KLC2: variants seen among roughly 807,000 people sequenced by gnomAD.
KLC2 encodes kinesin light chain 2, also known as KLC 2.
Under a neutral mutation model 75.1 loss-of-function variants are expected in KLC2, and 35 were observed. The observed-to-expected ratio is 0.47, with a 90% confidence interval of 0.36 to 0.62. The LOEUF (loss-of-function observed/expected upper bound fraction) is 0.62, where lower values mean the gene tolerates loss of function less well. Among genes scored for constraint, KLC2 ranks in the 20% least tolerant of loss-of-function variants. KLC2 has a pLI of 0.00. For missense variants in KLC2, 611 were observed against 833.2 expected, an observed-to-expected ratio of 0.73 and a Z score of 3.28; for synonymous variants, 314 against 336.7, an observed-to-expected ratio of 0.93 and a Z score of 0.74.
At chr11:66,260,084 G>A (rs560124776) in intron 2 of KLC2, among the ~76,000 whole-genome samples, 2 of 152,272 alleles carry the variant, frequency 1.3e-5, no homozygotes, top group African/African-American at 4.8e-5. Context: ...GTGAACCCTG[G>A]GGAAGTTGTA....
chr11:66,264,452 C>T lies in KLC2; in HGVS notation c.1216+8C>T, dbSNP rs201806851. On this transcript the variant is annotated splice_region_variant and intron_variant, in intron 9 of 15. Coordinates refer to ENST00000394067, the MANE Select transcript of KLC2 (RefSeq NM_001318734.2). Reference sequence around the variant, plus strand: ...AGTTTGGCTCTGTCAATGGTGAGTGCGTGGTCACCAGGTGCCTCTAGCCCA... The same window carrying T: ...AGTTTGGCTCTGTCAATGGTGAGTGTGTGGTCACCAGGTGCCTCTAGCCCA... 63 of 1,600,658 alleles carry T rather than the reference C, an allele frequency of 3.9e-5. No individual in the cohort carries two copies. The highest frequency in any genetic ancestry group is 2.2e-5 in the East Asian group (1 of 44,786).
chr11:66,266,527 C>T (rs778863040), intron 15 of KLC2, 37 bp downstream of exon 15: 24 of 1,593,250 alleles, frequency 1.5e-5, no homozygotes, highest in South Asian at 3.3e-5. Flanking sequence ...TGGGCAGCTG[C>T]GGCCGGGGCT....
the KLC2 span, among the ~76,000 whole-genome samples, chr11:66,249,923 G>A: frequency 6.6e-6 from 1 of 152,114 alleles, no homozygotes; most frequent in Non-Finnish European, 1.5e-5. Flanking sequence ...TCCTCGCATA[G>A]AGTATCCTTT....
Position 66,267,456 on chromosome 11 carries a change from G to A in KLC2, c.*500G>A. On this transcript the variant is annotated 3_prime_UTR_variant, in exon 16 of 16. Transcript: ENST00000394067. ...GGCCTTAATCACCCCCATTCCGTGCGGTGGTATCTCCCAGGCTCTACATTC... is the reference window on the plus strand; with the variant it reads ...GGCCTTAATCACCCCCATTCCGTGCAGTGGTATCTCCCAGGCTCTACATTC... 1.4e-6 allele frequency: 1 copy of A among 716,082 alleles called. No homozygotes were observed. Among genetic ancestry groups the A allele is most frequent in the Non-Finnish European group, 2.6e-6 (1 of 384,142 alleles). 44.4% of individuals were successfully genotyped at this position (716,082 alleles called of 1,614,324 possible).
intron 15 of KLC2, 166 bp downstream of exon 15, chr11:66,266,656 C>G (rs1245872995): frequency 1.1e-6 from 1 of 871,276 alleles, no homozygotes; most frequent in East Asian, 2.6e-5. Flanking sequence ...CCCAGCCTCT[C>G]CTGGGGGTGG....
At chr11:66,252,669 A>G (rs1166604426), upstream of KLC2, among the ~76,000 whole-genome samples, 2 of 152,220 alleles carry the variant, frequency 1.3e-5, no homozygotes, top group Non-Finnish European at 2.9e-5. Flanking sequence ...ATGCCTAAAA[A>G]GCGACACCAC....
At chr11:66,256,937 T>C (rs963212580), upstream of KLC2, among the ~76,000 whole-genome samples, 4 of 151,570 alleles carry the variant, frequency 2.6e-5, no homozygotes, top group African/African-American at 9.7e-5. Flanking sequence ...AAAGGAGAAA[T>C]TGGGATGGGG....
chr11:66,267,240 C>A lies in KLC2; in HGVS notation c.*284C>A. The A allele has an allele frequency of 6.8e-7, 1 of 1,465,212 alleles. No homozygotes were observed. Among genetic ancestry groups the A allele is most frequent in the Non-Finnish European group, 9.4e-7 (1 of 1,069,126 alleles). 90.8% of individuals were successfully genotyped at this position (1,465,212 alleles called of 1,614,324 possible). On this transcript the variant is annotated 3_prime_UTR_variant, in exon 16 of 16. Coordinates refer to ENST00000394067, the MANE Select transcript of KLC2 (RefSeq NM_001318734.2). ...GGAGTCTCCACCATAGACTCAGTGG[C>A]CTGGCCTCCCCAGACCCCAGAGCCA... is the stretch of plus-strand genomic sequence containing the variant.
chr11:66,247,622 C>A, the KLC2 span, among the ~76,000 whole-genome samples: 7 of 143,306 alleles, frequency 4.9e-5, no homozygotes, highest in Non-Finnish European at 1.1e-4. Flanking sequence ...CTTCTCCAAC[C>A]CCTCTTTTTT....
At chr11:66,249,961 AATAGAGG>A in the KLC2 span, among the ~76,000 whole-genome samples, 1 of 152,198 alleles carries the variant, frequency 6.6e-6, no homozygotes, top group South Asian at 2.1e-4. Flanking sequence ...GTGCCCTCTG[AATAGAGG>A]CCAACCACCG....
intron 3 of KLC2, 50 bp downstream of exon 3, chr11:66,262,022 G>A (rs763803545): frequency 6.3e-7 from 1 of 1,593,374 alleles, no homozygotes. Flanking sequence ...CCTGGGAGCA[G>A]GGAGGGGCAG....
chr11:66,261,469 G>T (rs1034432885), intron 2 of KLC2: 7 of 424,240 alleles, frequency 1.7e-5, no homozygotes, highest in Admixed American at 1.5e-4. Context: ...CTCAGGGAAA[G>T]CACAGCACCC....
At chr11:66,251,544 G>A in the KLC2 span, among the ~76,000 whole-genome samples, 5 of 128,978 alleles carry the variant, frequency 3.9e-5, no homozygotes, top group South Asian at 2.5e-4. Context: ...AGGCCGAGGC[G>A]GGCAGATCAC....
chr11:66,251,573 A>G, the KLC2 span, among the ~76,000 whole-genome samples: 3 of 88,646 alleles, frequency 3.4e-5, no homozygotes, highest in Non-Finnish European at 9.3e-5. Flanking sequence ...AGGAGTTCGA[A>G]ACCAGCCTGA....
At chr11:66,259,533 G>A (rs911409038) in intron 2 of KLC2, 2 of 152,318 alleles carry the variant, frequency 1.3e-5, no homozygotes, top group African/African-American at 2.4e-5. Context: ...GGACAGAAGA[G>A]GCCTGGGGAG....
At chr11:66,247,716 G>A in the KLC2 span, among the ~76,000 whole-genome samples, 1 of 151,922 alleles carries the variant, frequency 6.6e-6, no homozygotes, top group African/African-American at 2.4e-5. Flanking sequence ...AAGAAAAGAG[G>A]AAATGTTTTT....
chr11:66,254,593 A>G (rs1855988165), upstream of KLC2, among the ~76,000 whole-genome samples: 1 of 145,478 alleles, frequency 6.9e-6, no homozygotes, highest in African/African-American at 2.5e-5. Flanking sequence ...TGAGCCCAGG[A>G]GTTCAAGGCT....
upstream of KLC2, among the ~76,000 whole-genome samples, chr11:66,254,525 A>G (rs1272137320): frequency 6.6e-6 from 1 of 151,830 alleles, no homozygotes; most frequent in East Asian, 1.9e-4. Context: ...TTAGCTGGGC[A>G]TGGTGAGCAC....
At chr11:66,247,387 T>C in the KLC2 span, among the ~76,000 whole-genome samples, 1 of 152,174 alleles carries the variant, frequency 6.6e-6, no homozygotes, top group Non-Finnish European at 1.5e-5. Flanking sequence ...AGCTGAAGCC[T>C]TACCTGTGAG....
Sources: allele counts gnomAD v4.1 joint callset (sites outside exome capture counted in the v4.1 genomes callset), GRCh38; gene constraint gnomAD v4.1.1; transcripts MANE v1.5; gene names NCBI Gene and HGNC (gene_info 2026-07-23, HGNC 2026-07-21).